HECW2: variants seen among roughly 807,000 people sequenced by gnomAD.
HECW2 encodes HECT, C2 and WW domain containing E3 ubiquitin protein ligase 2, also known as E3 ubiquitin-protein ligase HECW2.
HECW2 carries 61 observed loss-of-function variants against 175.2 expected under a neutral mutation model. That is an observed-to-expected ratio of 0.35 (90% CI 0.28 to 0.43). HECW2 has a LOEUF of 0.43. Ranked by LOEUF, HECW2 falls within the 20% of genes least tolerant of loss-of-function variation. The pLI, the probability that HECW2 is intolerant of heterozygous loss-of-function variation, is 1.00. For missense variants in HECW2, 1,524 were observed against 2,000.5 expected (o/e 0.76, Z 4.54); for synonymous variants, 671 against 731.0 (o/e 0.92, Z 1.32).
intron 28 of HECW2, among the ~76,000 whole-genome samples, chr2:196,205,220 T>C (rs772982076): frequency 2.0e-5 from 3 of 152,150 alleles, no homozygotes; most frequent in Non-Finnish European, 4.4e-5. Flanking sequence ...GGAAACTGTG[T>C]GGAAAGATTA....
chr2:196,277,165 AG>A (rs1689988239), intron 15 of HECW2, among the ~76,000 whole-genome samples: 1 of 152,224 alleles, frequency 6.6e-6, no homozygotes, highest in South Asian at 2.1e-4. Context: ...TGCAAAAGGA[AG>A]AACTGAAACA....
chr2:196,217,364 T>G (rs994374162), intron 26 of HECW2: 1 of 339,760 alleles, frequency 2.9e-6, no homozygotes, highest in Admixed American at 4.6e-5. Flanking sequence ...ACAAATGAGT[T>G]ATTTTAACCA....
chr2:196,367,778 A>C (rs1251649945), intron 2 of HECW2, among the ~76,000 whole-genome samples: 2 of 152,002 alleles, frequency 1.3e-5, no homozygotes, highest in East Asian at 3.8e-4. Flanking sequence ...TTCACTTAAC[A>C]TAATGACCTC....
At chr2:196,529,696 A>G (rs1204089406) in intron 1 of HECW2, among the ~76,000 whole-genome samples, 1 of 152,220 alleles carries the variant, frequency 6.6e-6, no homozygotes, top group Non-Finnish European at 1.5e-5. Context: ...AGCTACAACC[A>G]TGCCAGTGAA....
rs746482841 is a variant in HECW2 at position 196,433,357 on chromosome 2, A to G, written c.67T>C (p.Leu23=). ...RRRNPQMRYT[L]SPENLQSLAA... ...AGGCTCTGGAGGTTCTCTGGGCTCA[A>G]TGTGTACCGCATCTGGGGATTTCGA... is the stretch of plus-strand genomic sequence containing the variant. The change falls in exon 2 of 29, where the codon TTG becomes CTG. Residue 23 remains leucine (L), a synonymous_variant. Transcript: ENST00000644978. The G allele has an allele frequency of 1.2e-6, 2 of 1,614,132 alleles. No homozygotes were observed. The highest frequency in any genetic ancestry group is 2.2e-5 in the East Asian group (1 of 44,878).
chr2:196,410,705 A>G lies in HECW2; in HGVS notation c.292+22427T>C, dbSNP rs1357580350. Among the ~76,000 whole-genome samples, 4 of 152,182 alleles carry G rather than the reference A, an allele frequency of 2.6e-5. 1 individual carries two copies. The highest frequency in any genetic ancestry group is 1.3e-4 in the Admixed American group (2 of 15,274). ...CCAGTGAACCATGTCACAAAATTCA[A>G]TTGTATATCAAACAGAAATACAGCC... is the stretch of plus-strand genomic sequence containing the variant. On this transcript the variant is annotated intron_variant, in intron 2 of 28. Transcript: ENST00000644978.
Position 196,274,102 on chromosome 2 carries a change from C to T in HECW2, c.3157G>A (p.Ala1053Thr), listed in dbSNP as rs759688356. ...AGEVGEDSRH[A>T]GPPVLPRPSS... ...GGCCTGGGAAGAACTGGTGGTCCTG[C>T]ATGTCGAGAATCTTCTCCTACCTGC... The change falls in exon 16 of 29, where the codon GCA becomes ACA. Residue 1053 changes from alanine to threonine, a missense_variant. By Grantham distance (58) the Ala-to-Thr change is moderately conservative. Transcript: ENST00000644978. The T allele has an allele frequency of 6.2e-7, 1 of 1,613,942 alleles. No individual in the cohort carries two copies.
chr2:196,283,061 C>T (rs1180579808), intron 14 of HECW2, among the ~76,000 whole-genome samples: 1 of 151,736 alleles, frequency 6.6e-6, no homozygotes, highest in African/African-American at 2.4e-5. Context: ...GAGAGGGAGA[C>T]CGTCCTGGCT....
chr2:196,375,032 C>G (rs1397444816), intron 2 of HECW2, among the ~76,000 whole-genome samples: 3 of 151,336 alleles, frequency 2.0e-5, no homozygotes, highest in African/African-American at 7.3e-5. Context: ...CGTGGTGGTG[C>G]GCACCTGTAA....
chr2:196,520,327 G>A (rs1186707117), intron 1 of HECW2, among the ~76,000 whole-genome samples: 2 of 151,382 alleles, frequency 1.3e-5, no homozygotes, highest in Non-Finnish European at 2.9e-5. Flanking sequence ...GGCATCTTAG[G>A]CTTGATTCTT....
chr2:196,369,220 C>T (rs989278506), intron 2 of HECW2, among the ~76,000 whole-genome samples: 2 of 152,144 alleles, frequency 1.3e-5, no homozygotes, highest in Non-Finnish European at 2.9e-5. Flanking sequence ...CTAGTAACAG[C>T]GTGAGTCTTG....
intron 2 of HECW2, among the ~76,000 whole-genome samples, chr2:196,350,955 T>C (rs975889273): frequency 2.0e-5 from 3 of 152,216 alleles, no homozygotes; most frequent in Non-Finnish European, 2.9e-5. Flanking sequence ...CCAGACATTG[T>C]TTCCTCATCC....
At chr2:196,301,126 T>C (rs1265346508) in intron 13 of HECW2, among the ~76,000 whole-genome samples, 1 of 152,024 alleles carries the variant, frequency 6.6e-6, no homozygotes, top group Non-Finnish European at 1.5e-5. Context: ...GAACATGTGG[T>C]GTTTGGTTTT....
chr2:196,527,318 G>A (rs1688699002), intron 1 of HECW2, among the ~76,000 whole-genome samples: 1 of 152,256 alleles, frequency 6.6e-6, no homozygotes, highest in African/African-American at 2.4e-5. Context: ...GTGAGGCAAT[G>A]CCTCGCCCTG....
At chr2:196,565,137 G>A (rs1690137160) in intron 1 of HECW2, among the ~76,000 whole-genome samples, 1 of 152,026 alleles carries the variant, frequency 6.6e-6, no homozygotes, top group South Asian at 2.1e-4. Context: ...CAAGGCCAGT[G>A]GCTGCAGTAA....
intron 1 of HECW2, among the ~76,000 whole-genome samples, chr2:196,476,289 C>T (rs146809090): frequency 5.2e-4 from 79 of 152,094 alleles, no homozygotes; most frequent in African/African-American, 1.8e-3. Context: ...ACTGAAAATA[C>T]AAAACTTAGC....
At chr2:196,297,007 C>A (rs1690841140) in intron 13 of HECW2, among the ~76,000 whole-genome samples, 1 of 152,114 alleles carries the variant, frequency 6.6e-6, no homozygotes, top group Non-Finnish European at 1.5e-5. Context: ...GTAAATGAAT[C>A]TGATATTTTA....
rs747625593 is a variant in HECW2 at position 196,238,250 on chromosome 2, C to CA, written c.3764+2198dup. 8.1e-4 allele frequency among the ~76,000 whole-genome samples: 123 copies of CA among 151,938 alleles called. 1 individual carries two copies. The highest frequency in any genetic ancestry group is 1.6e-3 in the Admixed American group (24 of 15,254). ...TCTCAAAAAACAAAACAAAACAAAACAAAAAAACAGAAAACCTCCAGCTCC... is the reference window on the plus strand; with the variant it reads ...TCTCAAAAAACAAAACAAAACAAAACAAAAAAAACAGAAAACCTCCAGCTCC... On this transcript the variant is annotated intron_variant, in intron 21 of 28. Coordinates refer to ENST00000644978, the MANE Select transcript of HECW2 (RefSeq NM_001348768.2).
At chr2:196,522,503 T>A (rs1246938555) in intron 1 of HECW2, among the ~76,000 whole-genome samples, 1 of 151,390 alleles carries the variant, frequency 6.6e-6, no homozygotes, top group East Asian at 1.9e-4. Context: ...TTTGTCAATT[T>A]TGGCTTTTGT....
Sources: gnomAD v4.1 joint callset for allele counts (sites outside exome capture counted in the v4.1 genomes callset) on GRCh38, gnomAD v4.1.1 for gene constraint, MANE v1.5 for transcripts, NCBI Gene and HGNC (gene_info 2026-07-23, HGNC 2026-07-21) for gene names.